PAQR3: variants seen among roughly 807,000 people sequenced by gnomAD.
The protein encoded by PAQR3 is progestin and adipoQ receptor family member 3.
A neutral mutation model predicts 41.7 loss-of-function variants in PAQR3; 39 were observed. That is an observed-to-expected ratio of 0.93 (90% CI 0.72 to 1.22). The LOEUF is 1.22. Among genes scored for constraint, PAQR3 ranks in the 50% most tolerant of loss-of-function variants. The probability of loss-of-function intolerance (pLI) is 0.00; values close to 1 mark genes in which losing one functional copy is unlikely to be tolerated. For synonymous variants in PAQR3, 140 were observed against 140.6 expected (o/e 1.00, Z 0.03); for missense variants, 366 against 385.6 (o/e 0.95, Z 0.42).
chr4:78,905,972 A>G (rs563927903), intron 11 of PAQR3: 3 of 152,206 alleles, frequency 2.0e-5, no homozygotes, highest in South Asian at 2.1e-4. Flanking sequence ...TTTTATGTCT[A>G]TGGAATAGGA....
At chr4:78,889,833 A>G (rs1239563831) in intron 11 of PAQR3, among the ~76,000 whole-genome samples, 1 of 152,246 alleles carries the variant, frequency 6.6e-6, no homozygotes, top group Admixed American at 6.5e-5. Context: ...TTTAATTTTT[A>G]GTAAACCATA....
At chr4:78,936,650 A>G (rs750681279) in intron 1 of PAQR3, among the ~76,000 whole-genome samples, 5 of 152,258 alleles carry the variant, frequency 3.3e-5, no homozygotes, top group South Asian at 2.1e-4. Flanking sequence ...CATCAAGTGT[A>G]AAGACTACTT....
chr4:78,887,433 T>C, intron 12 of PAQR3: 2 of 640,276 alleles, frequency 3.1e-6, no homozygotes, highest in Non-Finnish European at 5.5e-6. Flanking sequence ...CTCTTCTTAA[T>C]GATGTTCTTT....
chr4:78,896,136 CT>C, intron 11 of PAQR3, among the ~76,000 whole-genome samples: 1 of 152,054 alleles, frequency 6.6e-6, no homozygotes, highest in Non-Finnish European at 1.5e-5. Context: ...TATAACCTAA[CT>C]TTTTTGCAGC....
At chr4:78,909,331 C>T (rs1734455355), downstream of PAQR3, among the ~76,000 whole-genome samples, 1 of 150,522 alleles carries the variant, frequency 6.6e-6, no homozygotes, top group Non-Finnish European at 1.5e-5. Flanking sequence ...CCACCGCACC[C>T]AGCCCCCTTA....
chr4:78,909,684 C>T (rs115867572), downstream of PAQR3, among the ~76,000 whole-genome samples: 1,194 of 152,276 alleles, frequency 7.8e-3, 23 homozygotes, highest in African/African-American at 0.026. Flanking sequence ...ACTGTCGTCT[C>T]CTTAGGGAGG....
At chr4:78,887,175 T>C (rs1222694759) in exon 13 of PAQR3, 3 of 1,587,888 alleles carry the variant, frequency 1.9e-6, no homozygotes, top group Non-Finnish European at 2.6e-6. Flanking sequence ...TTTTTGCAGA[T>C]AGGCTCGAGG....
chr4:78,930,121 C>A, intron 3 of PAQR3, 49 bp downstream of exon 3: 1 of 1,539,578 alleles, frequency 6.5e-7, no homozygotes, highest in Non-Finnish European at 8.8e-7. Context: ...GGCAAGAAAA[C>A]CCAAGACCAA....
At chr4:78,893,972 C>T (rs1733573362) in intron 11 of PAQR3, among the ~76,000 whole-genome samples, 1 of 152,204 alleles carries the variant, frequency 6.6e-6, no homozygotes, top group African/African-American at 2.4e-5. Flanking sequence ...TCCATCAGAG[C>T]TCTTGGGTGA....
intron 5 of PAQR3, chr4:78,922,112 T>C (rs1315869101): frequency 1.4e-5 from 15 of 1,035,830 alleles, no homozygotes; most frequent in Non-Finnish European, 1.8e-5. Flanking sequence ...AAAGAATTAT[T>C]AATAAAGTGA....
At chr4:78,892,793 TA>T (rs1246199016) in intron 11 of PAQR3, among the ~76,000 whole-genome samples, 1 of 152,132 alleles carries the variant, frequency 6.6e-6, no homozygotes, top group Non-Finnish European at 1.5e-5. Flanking sequence ...ATATTATGTC[TA>T]AAAAAATGTA....
intron 2 of PAQR3, chr4:78,933,123 C>T (rs1737077393): frequency 2.2e-6 from 1 of 451,732 alleles, no homozygotes; most frequent in Admixed American, 2.4e-5. Context: ...TTCTTTTTTC[C>T]TGCTTAAATG....
chr4:78,887,342 A>G, intron 12 of PAQR3: 8 of 1,246,706 alleles, frequency 6.4e-6, no homozygotes, highest in Non-Finnish European at 9.2e-6. Context: ...GAACAACAGC[A>G]AAATCTTATA....
intron 3 of PAQR3, among the ~76,000 whole-genome samples, chr4:78,928,095 C>CT (rs1289803337): frequency 1.6e-4 from 24 of 152,132 alleles, no homozygotes; most frequent in African/African-American, 5.8e-4. Context: ...CTATCTTGGA[C>CT]TTTTAGTTTT....
At chr4:78,910,322 A>G (rs1204163371), downstream of PAQR3, among the ~76,000 whole-genome samples, 1 of 152,198 alleles carries the variant, frequency 6.6e-6, no homozygotes, top group Non-Finnish European at 1.5e-5. Flanking sequence ...TTGCTAGTCT[A>G]CTACATTCTG....
Position 78,925,384 on chromosome 4 carries a change from G to A in PAQR3, c.702+1137C>T, listed in dbSNP as rs566848219. On this transcript the variant is annotated intron_variant, in intron 4 of 5. Coordinates refer to ENST00000512733, the MANE Select transcript of PAQR3 (RefSeq NM_001040202.2). ...TTCTTATTATAAAGGAATCAAAATT[G>A]TCAGAAAGATGTTTTCACAGATAGG... 3.3e-5 allele frequency among the ~76,000 whole-genome samples: 5 copies of A among 152,050 alleles called. No individual in the cohort carries two copies. In the East Asian group the frequency reaches 9.6e-4, roughly 29 times the overall value.
At chr4:78,903,999 A>C (rs1050147949) in intron 11 of PAQR3, among the ~76,000 whole-genome samples, 5 of 151,990 alleles carry the variant, frequency 3.3e-5, no homozygotes, top group African/African-American at 2.4e-5. Context: ...TTTCTTACGT[A>C]TAAAAAGATG....
Position 78,918,897 on chromosome 4 carries a change from C to T in PAQR3, c.*1642G>A, listed in dbSNP as rs1031548282. On this transcript the variant is annotated 3_prime_UTR_variant, in exon 6 of 6. Transcript: ENST00000512733. ...AGAAATATATCCTACTACTGTTGCA[C>T]CAAAATCTTCTATCACTTAACATAT... The T allele has an allele frequency of 1.1e-4, 112 of 984,766 alleles. No homozygotes were observed. The highest frequency in any genetic ancestry group is 1.3e-4 in the Non-Finnish European group (107 of 829,648). The allele number at this position is 984,766 out of a possible 1,614,324, so 61.0% of individuals were successfully genotyped here. A position where few individuals can be genotyped will look rare whatever the true frequency, so the allele number is the denominator to read the frequency against.
Position 78,912,825 on chromosome 4 carries a change from T to C in PAQR3, c.*7714A>G, listed in dbSNP as rs1734726689. On this transcript the variant is annotated 3_prime_UTR_variant, in exon 6 of 6. Coordinates refer to ENST00000512733, the MANE Select transcript of PAQR3 (RefSeq NM_001040202.2). ...TAGAACAAAAATATGAAGAGAAATA[T>C]CTGACATTTGTAAAGAAATTATAAG... 2 of 151,982 alleles carry C rather than the reference T, an allele frequency of 1.3e-5. No homozygotes were observed. The highest frequency in any genetic ancestry group is 4.1e-4 in the South Asian group (2 of 4,822). The allele number at this position is 151,982 out of a possible 1,614,324, so 9.4% of individuals were successfully genotyped here. A position where few individuals can be genotyped will look rare whatever the true frequency, so the allele number is the denominator to read the frequency against.
Sources: allele counts gnomAD v4.1 joint callset (sites outside exome capture counted in the v4.1 genomes callset), GRCh38; gene constraint gnomAD v4.1.1; transcripts MANE v1.5; gene names NCBI Gene and HGNC (gene_info 2026-07-23, HGNC 2026-07-21).